Variants in FHIP1A observed in about 807,000 individuals in gnomAD.
FHIP1A encodes the protein FHF complex subunit HOOK interacting protein 1A.
A neutral mutation model predicts 88.6 loss-of-function variants in FHIP1A; 61 were observed. That is an observed-to-expected ratio of 0.69 (90% CI 0.56 to 0.85). The LOEUF (loss-of-function observed/expected upper bound fraction) is 0.85, where lower values mean the gene tolerates loss of function less well. FHIP1A is among the 40% of genes least tolerant of loss of function. The pLI, the probability that FHIP1A is intolerant of heterozygous loss-of-function variation, is 0.00. For synonymous variants in FHIP1A, 478 were observed against 496.0 expected, an observed-to-expected ratio of 0.96 and a Z score of 0.48; for missense variants, 1,154 against 1,273.5, an observed-to-expected ratio of 0.91 and a Z score of 1.43.
intron 11 of FHIP1A, among the ~76,000 whole-genome samples, chr4:151,651,666 A>C (rs918321044): frequency 6.6e-6 from 1 of 152,118 alleles, no homozygotes; most frequent in African/African-American, 2.4e-5. Flanking sequence ...CTGTGCTCCT[A>C]CCTCTTGGAG....
intron 1 of FHIP1A, among the ~76,000 whole-genome samples, chr4:151,422,914 GT>G (rs1356211218): frequency 6.6e-6 from 1 of 152,182 alleles, no homozygotes; most frequent in East Asian, 1.9e-4. Context: ...CGCCATCACT[GT>G]CTTTCTAGCC....
At position 151,649,836 on chromosome 4, in the gene FHIP1A, TATG is replaced by T; in HGVS notation, c.1801_1803del (p.Asp601del). 1 of 1,551,620 alleles carries T rather than the reference TATG, an allele frequency of 6.4e-7. No homozygotes were observed. Among genetic ancestry groups the T allele is most frequent in the East Asian group, 2.4e-5 (1 of 40,910 alleles). The stretch of plus-strand genomic sequence containing the variant: ...GGCTGACGTGGGCTCCCCAGGGCCT[TATG>T]ATGATCTGGAGGTTTCAGGCCCCCC... On this transcript the variant is annotated inframe_deletion, in exon 11 of 14. Transcript: ENST00000435205.
At chr4:151,568,662 A>G (rs911633711) in intron 4 of FHIP1A, among the ~76,000 whole-genome samples, 1 of 152,202 alleles carries the variant, frequency 6.6e-6, no homozygotes, top group Non-Finnish European at 1.5e-5. Context: ...GCTAATTCAG[A>G]TGACAATGCA....
chr4:151,525,921 T>A (rs1437095054), intron 3 of FHIP1A, among the ~76,000 whole-genome samples: 1 of 151,972 alleles, frequency 6.6e-6, no homozygotes, highest in Non-Finnish European at 1.5e-5. Flanking sequence ...GCAGTGTTTG[T>A]GTCCCTGGGT....
rs901486599 is a variant in FHIP1A, at chr4:151,629,901, A to G, written c.1146+32A>G. ...AGAGCGCCAGAGGAAGGGAACTTAC[A>G]ACTCAGAACAGATTTCAGGAGAGTT... On this transcript the variant is annotated intron_variant, in intron 8 of 13. Coordinates refer to ENST00000435205, the MANE Select transcript of FHIP1A (RefSeq NM_001109977.3). 14 of 1,521,338 alleles carry G rather than the reference A, an allele frequency of 9.2e-6. No individual in the cohort carries two copies. In the African/African-American group the frequency reaches 1.9e-4, roughly 21 times the overall value. 94.2% of individuals were successfully genotyped at this position (1,521,338 alleles called of 1,614,324 possible).
chr4:151,617,159 AT>A (rs1363895438), intron 7 of FHIP1A, among the ~76,000 whole-genome samples: 2 of 152,186 alleles, frequency 1.3e-5, no homozygotes, highest in Non-Finnish European at 2.9e-5. Flanking sequence ...CTGGAGAAGA[AT>A]TATATGGGGA....
chr4:151,558,739 C>T (rs1163624281), intron 3 of FHIP1A, among the ~76,000 whole-genome samples: 1 of 152,192 alleles, frequency 6.6e-6, no homozygotes, highest in African/African-American at 2.4e-5. Flanking sequence ...ACCATTGAGG[C>T]TCCCTGAAAG....
chr4:151,657,156 G>C (rs1044324366), intron 13 of FHIP1A, among the ~76,000 whole-genome samples: 3 of 152,180 alleles, frequency 2.0e-5, no homozygotes, highest in Non-Finnish European at 4.4e-5. Flanking sequence ...AGTGGTGCCT[G>C]CAAGGAGCTG....
chr4:151,447,878 C>T (rs1025390395), intron 1 of FHIP1A, among the ~76,000 whole-genome samples: 2 of 152,116 alleles, frequency 1.3e-5, no homozygotes, highest in Non-Finnish European at 2.9e-5. Flanking sequence ...ACCTTGCCTG[C>T]ACCTCGATCT....
intron 2 of FHIP1A, among the ~76,000 whole-genome samples, chr4:151,459,390 G>A (rs1194868662): frequency 6.6e-6 from 1 of 152,176 alleles, no homozygotes; most frequent in African/African-American, 2.4e-5. Context: ...CTCAAAGTGA[G>A]TACGGGTGGG....
intron 11 of FHIP1A, among the ~76,000 whole-genome samples, chr4:151,651,028 G>T (rs546734440): frequency 3.2e-4 from 49 of 152,316 alleles, no homozygotes; most frequent in African/African-American, 9.9e-4. Context: ...AGCACTGGAA[G>T]AGTGAACAGA....
intron 7 of FHIP1A, among the ~76,000 whole-genome samples, chr4:151,598,683 A>G (rs531905333): frequency 6.6e-6 from 1 of 152,282 alleles, no homozygotes; most frequent in East Asian, 1.9e-4. Context: ...CTTAAACAAT[A>G]TTTCTGCAGC....
chr4:151,512,217 A>G (rs1731063578), intron 3 of FHIP1A, among the ~76,000 whole-genome samples: 1 of 152,244 alleles, frequency 6.6e-6, no homozygotes, highest in Non-Finnish European at 1.5e-5. Context: ...ACAGACCTGC[A>G]GCTGAGGGTC....
intron 2 of FHIP1A, among the ~76,000 whole-genome samples, chr4:151,462,267 C>A (rs1169124857): frequency 6.6e-6 from 1 of 152,168 alleles, no homozygotes; most frequent in Non-Finnish European, 1.5e-5. Flanking sequence ...TCCTGAGATG[C>A]ACCATGGGTT....
intron 3 of FHIP1A, among the ~76,000 whole-genome samples, chr4:151,514,195 G>A (rs1451461567): frequency 6.6e-6 from 1 of 152,198 alleles, no homozygotes. Context: ...ACTTGCTCCT[G>A]AATGACTACT....
rs144790848 is a variant in FHIP1A, at chr4:151,628,736, T to G, written c.979-966T>G. Among the ~76,000 whole-genome samples, 350 of 152,266 alleles carry G rather than the reference T, an allele frequency of 2.3e-3. 2 individuals carry two copies. The highest frequency in any genetic ancestry group is 8.3e-3 in the African/African-American group (343 of 41,574). On this transcript the variant is annotated intron_variant, in intron 7 of 13. Transcript: ENST00000435205. ...GTGTGTGGTATTAGAATCTGAGAGT[T>G]TGAACTATTTCTCTGGTGGTTTTCA...
chr4:151,476,720 A>T (rs914851214), intron 2 of FHIP1A, among the ~76,000 whole-genome samples: 5 of 152,202 alleles, frequency 3.3e-5, no homozygotes, highest in Admixed American at 2.6e-4. Context: ...TTTGCAAATA[A>T]TGGGAATATG....
intron 3 of FHIP1A, among the ~76,000 whole-genome samples, chr4:151,511,491 A>G (rs1731027068): frequency 6.6e-6 from 1 of 152,232 alleles, no homozygotes; most frequent in African/African-American, 2.4e-5. Context: ...GCACTGCCTC[A>G]CTCAGGAAGC....
intron 7 of FHIP1A, among the ~76,000 whole-genome samples, chr4:151,594,267 G>A (rs1734561079): frequency 6.6e-6 from 1 of 152,160 alleles, no homozygotes; most frequent in African/African-American, 2.4e-5. Context: ...AAATGAGTTA[G>A]GGAGGAGTCC....
Sources: allele counts gnomAD v4.1 joint callset (sites outside exome capture counted in the v4.1 genomes callset), GRCh38; gene constraint gnomAD v4.1.1; transcripts MANE v1.5; gene names NCBI Gene and HGNC (gene_info 2026-07-23, HGNC 2026-07-21).